CNTN4: variants seen among roughly 807,000 people sequenced by gnomAD.
The protein encoded by CNTN4 is contactin 4, also known as contactin-4.
A neutral mutation model predicts 122.5 loss-of-function variants in CNTN4; 77 were observed. The ratio of observed to expected loss-of-function variants is 0.63; its 90% confidence interval spans 0.52 to 0.76. The LOEUF is 0.76. Ranked by LOEUF, CNTN4 falls within the 30% of genes least tolerant of loss-of-function variation. The probability of loss-of-function intolerance (pLI) is 0.00; values close to 1 mark genes in which losing one functional copy is unlikely to be tolerated. For missense variants in CNTN4, 1,256 were observed against 1,259.1 expected (o/e 1.00, Z 0.04); for synonymous variants, 512 against 447.0 (o/e 1.15, Z -1.83).
chr3:2,179,587 T>A (rs1439809469), intron 2 of CNTN4, among the ~76,000 whole-genome samples: 1 of 152,010 alleles, frequency 6.6e-6, no homozygotes, highest in Non-Finnish European at 1.5e-5. Context: ...CATTAGCAAT[T>A]TTATACTGAA....
rs577687693 is a variant in CNTN4 at position 2,587,758 on chromosome 3, G to A, written c.55+16200G>A. Reference sequence around the variant, plus strand: ...CCAGTTCAGTAAATAAATTTTAGAGGAAATCAATATTATGAATTTTTTTTC... The same window carrying A: ...CCAGTTCAGTAAATAAATTTTAGAGAAAATCAATATTATGAATTTTTTTTC... On this transcript the variant is annotated intron_variant, in intron 4 of 24. Coordinates refer to ENST00000418658, the MANE Select transcript of CNTN4 (RefSeq NM_175607.3). Among the ~76,000 whole-genome samples the A allele has an allele frequency of 9.5e-4, 145 of 152,146 alleles. No homozygotes were observed. In the Middle Eastern group the frequency reaches 0.01, roughly 11 times the overall value.
intron 3 of CNTN4, among the ~76,000 whole-genome samples, chr3:2,504,631 T>C (rs967848828): frequency 6.6e-6 from 1 of 152,150 alleles, no homozygotes; most frequent in South Asian, 2.1e-4. Flanking sequence ...CTATATGTAA[T>C]CTCAAAGTTG....
At chr3:2,394,862 C>T (rs1467838884) in intron 3 of CNTN4, among the ~76,000 whole-genome samples, 2 of 142,284 alleles carry the variant, frequency 1.4e-5, no homozygotes, top group Non-Finnish European at 1.5e-5. Flanking sequence ...TCTCGACTGA[C>T]TGCAACCTCT....
At chr3:2,223,405 A>T (rs1258269170) in intron 2 of CNTN4, among the ~76,000 whole-genome samples, 1 of 152,156 alleles carries the variant, frequency 6.6e-6, no homozygotes, top group Non-Finnish European at 1.5e-5. Flanking sequence ...CTTCTTGTAT[A>T]TAAGCCCTTA....
intron 2 of CNTN4, among the ~76,000 whole-genome samples, chr3:2,177,415 C>T (rs2036798417): frequency 6.6e-6 from 1 of 152,098 alleles, no homozygotes; most frequent in South Asian, 2.1e-4. Flanking sequence ...CTTGTCTCCC[C>T]AGTGCACTTC....
At position 2,357,029 on chromosome 3, in the gene CNTN4, A is replaced by G. The variant is rs73807740; in HGVS notation, c.-89+17796A>G. Among the ~76,000 whole-genome samples, 668 of 152,308 alleles carry G rather than the reference A, an allele frequency of 4.4e-3. 3 individuals are homozygous for G. The highest frequency in any genetic ancestry group is 0.015 in the African/African-American group (639 of 41,574). ...TGGTGTTGTTTATTATTACAACTTGATAACTAGACCAGTACTTCTCAAACT... is the reference window on the plus strand; with the variant it reads ...TGGTGTTGTTTATTATTACAACTTGGTAACTAGACCAGTACTTCTCAAACT... On this transcript the variant is annotated intron_variant, in intron 3 of 24. Transcript: ENST00000418658.
intron 2 of CNTN4, among the ~76,000 whole-genome samples, chr3:2,224,110 T>G (rs1031270619): frequency 3.3e-5 from 5 of 152,204 alleles, no homozygotes; most frequent in African/African-American, 9.7e-5. Context: ...TTTTATAGAT[T>G]TAAGTTTCTT....
chr3:2,300,364 G>C (rs1359184642), intron 2 of CNTN4, among the ~76,000 whole-genome samples: 2 of 152,080 alleles, frequency 1.3e-5, no homozygotes, highest in African/African-American at 2.4e-5. Context: ...TCTCAAAATA[G>C]AGGGGAGAAT....
rs374984906 is a variant in CNTN4, at chr3:2,833,387, GA to G, written c.454+13809del. Reference sequence around the variant, plus strand: ...TAAGTTTTTATAAAGAACATAAAATGAAAGTATAATAATCAGAAAGCTTCAT... The same window carrying G: ...TAAGTTTTTATAAAGAACATAAAATGAAGTATAATAATCAGAAAGCTTCAT... On this transcript the variant is annotated intron_variant, in intron 7 of 24. Coordinates refer to ENST00000418658, the MANE Select transcript of CNTN4 (RefSeq NM_175607.3). Among the ~76,000 whole-genome samples the G allele has an allele frequency of 6.8e-4, 104 of 152,282 alleles. 1 individual carries two copies. The Middle Eastern group carries it at 0.02, about 30-fold the overall frequency.
intron 3 of CNTN4, among the ~76,000 whole-genome samples, chr3:2,406,181 A>T (rs2047029936): frequency 6.6e-6 from 1 of 152,202 alleles, no homozygotes; most frequent in Admixed American, 6.5e-5. Flanking sequence ...ATTAATTATA[A>T]AGGGGAAATG....
chr3:2,294,890 AT>A (rs1435302525), intron 2 of CNTN4, among the ~76,000 whole-genome samples: 1 of 150,770 alleles, frequency 6.6e-6, no homozygotes, highest in Non-Finnish European at 1.5e-5. Context: ...ACGTGTTCTC[AT>A]TGTTCAATTC....
At chr3:2,415,839 C>T (rs367978822) in intron 3 of CNTN4, among the ~76,000 whole-genome samples, 2 of 152,030 alleles carry the variant, frequency 1.3e-5, no homozygotes, top group East Asian at 1.9e-4. Context: ...TTTGGGGTGG[C>T]GCTGGCTTAT....
chr3:2,627,775 G>C (rs974592350), intron 4 of CNTN4, among the ~76,000 whole-genome samples: 3 of 152,148 alleles, frequency 2.0e-5, no homozygotes, highest in African/African-American at 7.2e-5. Flanking sequence ...TTACAGGCGT[G>C]AGCCACCGTG....
chr3:2,909,805 T>C (rs58461669), intron 12 of CNTN4, among the ~76,000 whole-genome samples: 63,745 of 152,046 alleles, frequency 0.42, 13,616 homozygotes, highest in East Asian at 0.68. Flanking sequence ...ATTTCTGATA[T>C]AGTAGCTCTA....
chr3:2,121,966 C>CCATCCCGGCTAA (rs1276301932), intron 2 of CNTN4, among the ~76,000 whole-genome samples: 1 of 151,776 alleles, frequency 6.6e-6, no homozygotes, highest in Non-Finnish European at 1.5e-5. Context: ...GAGATCGAGA[C>CCATCCCGGCTAA]CACGGTGAAA....
At chr3:2,277,266 G>A (rs903690879) in intron 2 of CNTN4, among the ~76,000 whole-genome samples, 1 of 150,836 alleles carries the variant, frequency 6.6e-6, no homozygotes, top group East Asian at 1.9e-4. Flanking sequence ...GAAAGGTGGT[G>A]CAAACTTATT....
At chr3:2,858,712 A>AC (rs1397220700) in intron 7 of CNTN4, among the ~76,000 whole-genome samples, 1 of 151,960 alleles carries the variant, frequency 6.6e-6, no homozygotes, top group Non-Finnish European at 1.5e-5. Context: ...GTCTCAGAAA[A>AC]AAAAAAAGAA....
chr3:2,772,238 A>T (rs751175445), intron 6 of CNTN4, among the ~76,000 whole-genome samples: 1 of 152,132 alleles, frequency 6.6e-6, no homozygotes, highest in Non-Finnish European at 1.5e-5. Flanking sequence ...AGGCACTAGG[A>T]TACCAGCATC....
chr3:3,039,118 A>G (rs1228062846), intron 19 of CNTN4, 115 bp downstream of exon 19: 1 of 942,220 alleles, frequency 1.1e-6, no homozygotes, highest in East Asian at 2.6e-5. Flanking sequence ...GTGAAAATTC[A>G]TTTGGGTTCA....
Sources: gnomAD v4.1 joint callset for allele counts (sites outside exome capture counted in the v4.1 genomes callset) on GRCh38, gnomAD v4.1.1 for gene constraint, MANE v1.5 for transcripts, NCBI Gene and HGNC (gene_info 2026-07-23, HGNC 2026-07-21) for gene names.